Variants in LUZP2 observed in about 807,000 individuals in gnomAD.
The protein encoded by LUZP2 is leucine zipper protein 2.
LUZP2 carries 52 observed loss-of-function variants against 51.6 expected under a neutral mutation model. The observed-to-expected ratio is 1.01, with a 90% CI of 0.81 to 1.27. LUZP2 has a LOEUF of 1.27. LUZP2 is among the 50% of genes most tolerant of loss of function. LUZP2 has a pLI of 0.00. For synonymous variants in LUZP2, 154 were observed against 137.3 expected (o/e 1.12, Z -0.85); for missense variants, 436 against 395.4 (o/e 1.10, Z -0.87).
intron 7 of LUZP2, among the ~76,000 whole-genome samples, chr11:24,949,324 CTATCTATCTCTCTA>C (rs1855006762): frequency 7.4e-4 from 29 of 39,208 alleles, no homozygotes; most frequent in African/African-American, 3.1e-3. Flanking sequence ...ATCTATCTAT[CTATCTATCTCTCTA>C]TCTATCTATG....
At position 24,611,363 on chromosome 11, in the gene LUZP2, CTGAGA is replaced by C. The variant is rs143400556; in HGVS notation, c.62+114060_62+114064del. Among the ~76,000 whole-genome samples, 1,371 of 152,160 alleles carry C rather than the reference CTGAGA, an allele frequency of 9.0e-3. 47 individuals are homozygous for C. The East Asian group carries it at 0.12, about 13-fold the overall frequency. On this transcript the variant is annotated intron_variant, in intron 1 of 11. Transcript: ENST00000336930. This position sits in a 1 kb window ranked among gnomAD's most constrained non-coding sequence, Gnocchi z 4.6. ...ATTCATTTGATCTTCATAAAATTAA[CTGAGA>C]TAAGTACCATTTACCCCATTATATA...
intron 5 of LUZP2, among the ~76,000 whole-genome samples, chr11:24,810,530 G>T (rs76481711): frequency 2.0e-5 from 3 of 151,918 alleles, no homozygotes; most frequent in Non-Finnish European, 4.4e-5. Context: ...CATTCCGTCC[G>T]ACAAATGTTA....
At chr11:24,523,309 A>G (rs890159765) in intron 1 of LUZP2, among the ~76,000 whole-genome samples, 10 of 151,824 alleles carry the variant, frequency 6.6e-5, no homozygotes, top group Admixed American at 2.0e-4. Context: ...TAATGTTAAA[A>G]GAAAAATATT....
chr11:24,600,614 A>G (rs1475264456), intron 1 of LUZP2, among the ~76,000 whole-genome samples: 1 of 152,124 alleles, frequency 6.6e-6, no homozygotes, highest in East Asian at 1.9e-4. Flanking sequence ...GCAAATTATC[A>G]AACTCTAACT....
At chr11:24,511,797 G>T (rs778202233) in intron 1 of LUZP2, among the ~76,000 whole-genome samples, 1 of 152,090 alleles carries the variant, frequency 6.6e-6, no homozygotes, top group Non-Finnish European at 1.5e-5. Flanking sequence ...AACTTTTTCC[G>T]ATGAGTGGAA....
At chr11:24,861,004 C>T (rs755711300) in intron 5 of LUZP2, among the ~76,000 whole-genome samples, 2 of 152,126 alleles carry the variant, frequency 1.3e-5, no homozygotes, top group Non-Finnish European at 2.9e-5. Context: ...TAACAAAGAA[C>T]TATGCTGAGC....
At position 24,523,708 on chromosome 11, in the gene LUZP2, C is replaced by T. The variant is rs16912692; in HGVS notation, c.62+26403C>T. On this transcript the variant is annotated intron_variant, in intron 1 of 11. Transcript: ENST00000336930. ...CAATCTTATTTTAATTGAGGTCTTA[C>T]CTAATCTCTCTGGATAGGTAAAGAC... Among the ~76,000 whole-genome samples the T allele has an allele frequency of 6.9e-3, 1,042 of 151,528 alleles. 37 individuals are homozygous for T. In the East Asian group the frequency reaches 0.092, roughly 13 times the overall value.
intron 9 of LUZP2, among the ~76,000 whole-genome samples, chr11:25,040,356 T>G (rs2134005430): frequency 6.9e-6 from 1 of 145,006 alleles, no homozygotes; most frequent in South Asian, 2.2e-4. Flanking sequence ...TTTTTTTTTT[T>G]TTTTTTTGCC....
At position 25,079,610 on chromosome 11, in the gene LUZP2, G is replaced by C. The variant is rs757905152; in HGVS notation, c.*952G>C. On this transcript the variant is annotated 3_prime_UTR_variant, in exon 12 of 12. Coordinates refer to ENST00000336930, the MANE Select transcript of LUZP2 (RefSeq NM_001009909.4). ...GGCAGTGTTAATCCATAAGAGTTCT[G>C]ATTTTCTATAGGAATATCACTAATC... The C allele has an allele frequency of 1.3e-5, 2 of 152,090 alleles. No homozygotes were observed. Among genetic ancestry groups the C allele is most frequent in the African/African-American group, 2.4e-5 (1 of 41,452 alleles). 9.4% of individuals were successfully genotyped at this position (152,090 alleles called of 1,614,324 possible).
rs149753304 is a variant in LUZP2 at position 24,542,401 on chromosome 11, G to A, written c.62+45096G>A. Among the ~76,000 whole-genome samples, 656 of 152,088 alleles carry A rather than the reference G, an allele frequency of 4.3e-3. 3 individuals carry two copies. The highest frequency in any genetic ancestry group is 7.1e-3 in the Non-Finnish European group (481 of 67,974). ...TACCCACACCTGATGCTTTAGACAA[G>A]ATCAGCCCTTAAGACACAAGAAAAA... is the stretch of plus-strand genomic sequence containing the variant. On this transcript the variant is annotated intron_variant, in intron 1 of 11. Transcript: ENST00000336930.
At chr11:24,955,224 T>G (rs1855181463) in intron 7 of LUZP2, among the ~76,000 whole-genome samples, 1 of 151,994 alleles carries the variant, frequency 6.6e-6, no homozygotes, top group South Asian at 2.1e-4. Context: ...ATTTGAAGAC[T>G]TTTTTGTCTA....
intron 5 of LUZP2, among the ~76,000 whole-genome samples, chr11:24,819,047 A>G (rs1010431728): frequency 6.6e-6 from 1 of 152,136 alleles, no homozygotes; most frequent in Admixed American, 6.6e-5. Flanking sequence ...GTTTAAAAGT[A>G]TAATAGATAT....
At chr11:24,766,990 G>A (rs1860215571) in intron 5 of LUZP2, among the ~76,000 whole-genome samples, 1 of 152,100 alleles carries the variant, frequency 6.6e-6, no homozygotes, top group Admixed American at 6.5e-5. Flanking sequence ...TGTAACTCCT[G>A]ACCTCAGGTG....
Position 24,733,015 on chromosome 11 carries a change from C to A in LUZP2, c.251+827C>A, listed in dbSNP as rs72884431. Reference sequence around the variant, plus strand: ...CCAGTTTGGCTCACTGATCACAACGCAAAAAACTGTTTCAAAGTTTACACA... The same window carrying A: ...CCAGTTTGGCTCACTGATCACAACGAAAAAAACTGTTTCAAAGTTTACACA... On this transcript the variant is annotated intron_variant, in intron 3 of 11. Transcript: ENST00000336930. Among the ~76,000 whole-genome samples the A allele has an allele frequency of 7.8e-3, 1,166 of 150,044 alleles. 14 individuals carry two copies. Among genetic ancestry groups the A allele is most frequent in the Middle Eastern group, 0.014 (4 of 286 alleles).
chr11:24,744,865 A>G (rs185601324), intron 4 of LUZP2, among the ~76,000 whole-genome samples: 5 of 152,156 alleles, frequency 3.3e-5, no homozygotes, highest in Admixed American at 6.5e-5. Context: ...CTTTCCTCAT[A>G]GCACCACCTT....
At chr11:25,022,619 A>G (rs1378684988) in intron 9 of LUZP2, among the ~76,000 whole-genome samples, 1 of 152,092 alleles carries the variant, frequency 6.6e-6, no homozygotes, top group Non-Finnish European at 1.5e-5. Flanking sequence ...TTTAAAAACT[A>G]TTATTATTAG....
At chr11:24,989,158 C>T (rs1044630096) in intron 9 of LUZP2, among the ~76,000 whole-genome samples, 8 of 151,518 alleles carry the variant, frequency 5.3e-5, no homozygotes, top group Non-Finnish European at 1.0e-4. Context: ...GGGAAGCCAT[C>T]GTATAAAAGT....
intron 1 of LUZP2, among the ~76,000 whole-genome samples, chr11:24,552,422 C>T (rs1488876236): frequency 6.6e-6 from 1 of 151,702 alleles, no homozygotes; most frequent in Non-Finnish European, 1.5e-5. Context: ...ATATATAAGC[C>T]CACCATGATG....
At chr11:24,742,978 G>A (rs1859241521) in intron 4 of LUZP2, among the ~76,000 whole-genome samples, 1 of 151,890 alleles carries the variant, frequency 6.6e-6, no homozygotes, top group South Asian at 2.1e-4. Flanking sequence ...ATTTTTGTTT[G>A]CTTTGTCAAA....
Sources: gnomAD v4.1 joint callset for allele counts (sites outside exome capture counted in the v4.1 genomes callset) on GRCh38, gnomAD v4.1.1 for gene constraint, Gnocchi (gnomAD v3.1) non-coding constraint, MANE v1.5 for transcripts, NCBI Gene and HGNC (gene_info 2026-07-23, HGNC 2026-07-21) for gene names.